The following NCAPD2 variants were observed in gnomAD, a reference collection of about 807,000 sequenced individuals.
The protein encoded by NCAPD2 is non-SMC condensin I complex subunit D2.
A neutral mutation model predicts 164.5 loss-of-function variants in NCAPD2; 100 were observed. The ratio of observed to expected loss-of-function variants is 0.61; its 90% CI spans 0.52 to 0.72. NCAPD2 has a LOEUF of 0.72. Among genes scored for constraint, NCAPD2 ranks in the 30% least tolerant of loss-of-function variants. The pLI, the probability that NCAPD2 is intolerant of heterozygous loss-of-function variation, is 0.00. For missense variants in NCAPD2, 1,560 were observed against 1,749.2 expected, an observed-to-expected ratio of 0.89 and a Z score of 1.93; for synonymous variants, 585 against 642.6, an observed-to-expected ratio of 0.91 and a Z score of 1.36.
At position 6,526,484 on chromosome 12, in the gene NCAPD2, A is replaced by G. The variant is rs772449545; in HGVS notation, c.2603A>G (p.Lys868Arg). Residue 868 changes from lysine (K) to arginine (R), a missense_variant, in exon 21 of 32, where the codon AAA becomes AGA. By Grantham distance (26) the Lys-to-Arg change is conservative. Transcript: ENST00000315579. The part of the protein sequence containing the change: ...VHPDPLWIPF[K>R]EVAVTLIYQL... Reference sequence around the variant, plus strand: ...CCAGACCCACTCTGGATCCCATTCAAAGAGGTGGCAGTGACCCTCATTTAC... The same window carrying G: ...CCAGACCCACTCTGGATCCCATTCAGAGAGGTGGCAGTGACCCTCATTTAC... The G allele has an allele frequency of 1.2e-5, 19 of 1,613,966 alleles. No homozygotes were observed. The highest frequency in any genetic ancestry group is 2.2e-5 in the East Asian group (1 of 44,888).
At chr12:6,512,258 C>A in intron 6 of NCAPD2, among the ~76,000 whole-genome samples, 1 of 113,632 alleles carries the variant, frequency 8.8e-6, no homozygotes, top group African/African-American at 3.6e-5. Flanking sequence ...GGCAACAGAG[C>A]AAGACTCCAT....
At chr12:6,520,188 A>AG (rs1181944100) in intron 13 of NCAPD2, among the ~76,000 whole-genome samples, 1 of 149,460 alleles carries the variant, frequency 6.7e-6, no homozygotes, top group Non-Finnish European at 1.5e-5. Flanking sequence ...CTCTAAAAAA[A>AG]AAAATATATA....
At position 6,517,873 on chromosome 12, in the gene NCAPD2, G is replaced by T. The variant is rs1327335415; in HGVS notation, c.1503G>T (p.Glu501Asp). The T allele has an allele frequency of 2.5e-6, 4 of 1,614,058 alleles. No homozygotes were observed. The highest frequency in any genetic ancestry group is 3.4e-6 in the Non-Finnish European group (4 of 1,180,042). The change falls in exon 13 of 32, where the codon GAG becomes GAT. Residue 501 changes from glutamate to aspartate, a missense_variant. Physicochemically the swap from Glu to Asp is conservative, Grantham distance 45 (BLOSUM62 2). Transcript: ENST00000315579. ...QQLLQLPQGE[E>D]EIPEQIANTE... is the part of the protein sequence containing the mutation. Reference sequence around the variant, plus strand: ...TTCTACAGCTTCCCCAGGGAGAGGAGGAGATTCCTGAGCAAATTGCCAATA... The same window carrying T: ...TTCTACAGCTTCCCCAGGGAGAGGATGAGATTCCTGAGCAAATTGCCAATA...
chr12:6,500,782 G>A (rs1592164601), intron 2 of NCAPD2, among the ~76,000 whole-genome samples: 1 of 152,274 alleles, frequency 6.6e-6, no homozygotes, highest in South Asian at 2.1e-4. Flanking sequence ...AAGCCATTGG[G>A]TTTTGAGCAT....
chr12:6,510,452 C>T (rs1946136032), intron 4 of NCAPD2, 177 bp from the exon 5 acceptor site: 1 of 813,216 alleles, frequency 1.2e-6, no homozygotes. Flanking sequence ...AGAGTAGGAA[C>T]AGGGCATGTT....
At position 6,520,351 on chromosome 12, in the gene NCAPD2, C is replaced by A. The variant is rs1221627648; in HGVS notation, c.1590-635C>A. Reference sequence around the variant, plus strand: ...TGATCTCCCAGGCTCAAGTGATCCTCCCACCTCAGCTCCCTCGAGTAGCTG... The same window carrying A: ...TGATCTCCCAGGCTCAAGTGATCCTACCACCTCAGCTCCCTCGAGTAGCTG... On this transcript the variant is annotated intron_variant, in intron 13 of 31. Coordinates refer to ENST00000315579, the MANE Select transcript of NCAPD2 (RefSeq NM_014865.4). Among the ~76,000 whole-genome samples the A allele has an allele frequency of 4.0e-5, 6 of 151,854 alleles. No individual in the cohort carries two copies. In the East Asian group the frequency reaches 1.2e-3, roughly 29 times the overall value.
At position 6,522,046 on chromosome 12, in the gene NCAPD2, G is replaced by C; in HGVS notation, c.1954+9G>C. ...TGAAAACACAACTACAGGTATGCCAGAGTCCCTTTCTATAAGGACAGCCTT... is the reference window on the plus strand; with the variant it reads ...TGAAAACACAACTACAGGTATGCCACAGTCCCTTTCTATAAGGACAGCCTT... On this transcript the variant is annotated intron_variant, in intron 15 of 31. Coordinates refer to ENST00000315579, the MANE Select transcript of NCAPD2 (RefSeq NM_014865.4). The C allele has an allele frequency of 6.2e-7, 1 of 1,612,572 alleles. No homozygotes were observed. The highest frequency in any genetic ancestry group is 8.5e-7 in the Non-Finnish European group (1 of 1,178,772).
At chr12:6,520,888 C>A in intron 13 of NCAPD2, 98 bp from the exon 14 acceptor site, 1 of 1,519,176 alleles carries the variant, frequency 6.6e-7, no homozygotes, top group Admixed American at 1.9e-5. Flanking sequence ...TTTCTCTGGG[C>A]AGTAGGTCCA....
Position 6,510,397 on chromosome 12 carries a change from T to C in NCAPD2, c.263-232T>C, listed in dbSNP as rs567821516. The C allele has an allele frequency of 1.0e-4, 81 of 781,536 alleles. No homozygotes were observed. In the East Asian group the frequency reaches 1.2e-3, roughly 11 times the overall value. 48.4% of individuals were successfully genotyped at this position (781,536 alleles called of 1,614,324 possible). A position where few individuals can be genotyped will look rare whatever the true frequency, so the allele number is the denominator to read the frequency against. On this transcript the variant is annotated intron_variant, in intron 4 of 31. Coordinates refer to ENST00000315579, the MANE Select transcript of NCAPD2 (RefSeq NM_014865.4). ...TTGAGCTACCTCTTTTTAATAGGGG[T>C]GATTCTTCCAGTTGCTGGAGAGAAA...
chr12:6,527,008 G>A lies in NCAPD2; in HGVS notation c.2852G>A (p.Arg951Gln), dbSNP rs759714048. ...LEQAVSGELC[R>Q]RRVLREEQEH... ...CAGGCAGTGAGTGGAGAGCTCTGCC[G>A]GCGCCGAGTTCTCCGGGAAGAACAG... The change falls in exon 22 of 32, where the codon CGG (arginine) becomes CAG (glutamine). Residue 951 changes from arginine to glutamine, a missense_variant. Arg to Gln is a conservative substitution (Grantham distance 43, BLOSUM62 1). Coordinates refer to ENST00000315579, the MANE Select transcript of NCAPD2 (RefSeq NM_014865.4). The A allele has an allele frequency of 1.3e-5, 21 of 1,613,868 alleles. No individual in the cohort carries two copies. Among genetic ancestry groups the A allele is most frequent in the East Asian group, 2.2e-5 (1 of 44,892 alleles).
intron 17 of NCAPD2, 114 bp from the exon 18 acceptor site, chr12:6,525,466 CTCT>C (rs2137058876): frequency 8.1e-7 from 1 of 1,236,660 alleles, no homozygotes; most frequent in East Asian, 2.4e-5. Context: ...TTTTCTTTTT[CTCT>C]TCCTAAGTAT....
chr12:6,511,371 C>T (rs1236754452), intron 6 of NCAPD2, 119 bp downstream of exon 6: 8 of 1,245,622 alleles, frequency 6.4e-6, no homozygotes, highest in South Asian at 6.1e-5. Context: ...TCACTCTTGT[C>T]GCCCAGGCTG....
rs1264359465 is a variant in NCAPD2, at chr12:6,511,113, A to G, written c.448A>G (p.Lys150Glu). The G allele has an allele frequency of 6.2e-7, 1 of 1,613,576 alleles. No individual in the cohort carries two copies. The highest frequency in any genetic ancestry group is 1.1e-5 in the South Asian group (1 of 91,026). The change falls in exon 6 of 32, where the codon AAG (lysine) becomes GAG (glutamate). Residue 150 changes from lysine (K) to glutamate (E), a missense_variant. Lys to Glu is a moderately conservative substitution (Grantham distance 56). Transcript: ENST00000315579. ...ATGTATACATGATCCTTTTTAGGGTAAGAAAGCTCGGACCAAGGCAGCCCA... is the reference window on the plus strand; with the variant it reads ...ATGTATACATGATCCTTTTTAGGGTGAGAAAGCTCGGACCAAGGCAGCCCA... ...LVDLDLGGKG[K>E]KARTKAAHGF...
intron 2 of NCAPD2, among the ~76,000 whole-genome samples, chr12:6,504,216 T>TACACATATATATACACATATACAC (rs1406807438): frequency 3.4e-4 from 8 of 23,244 alleles, no homozygotes; most frequent in Non-Finnish European, 6.3e-4. Flanking sequence ...TATATATATA[T>TACACATATATATACACATATACAC]AGATATAGAT....
chr12:6,494,920 A>T (rs1453567327), intron 1 of NCAPD2, among the ~76,000 whole-genome samples, 156 bp from the exon 2 acceptor site: 2 of 152,176 alleles, frequency 1.3e-5, no homozygotes, highest in Admixed American at 1.3e-4. Context: ...ACCATTATAT[A>T]TGTTGGGGGT....
chr12:6,517,175 C>A, intron 10 of NCAPD2, 150 bp downstream of exon 10: 1 of 1,235,156 alleles, frequency 8.1e-7, no homozygotes, highest in Non-Finnish European at 1.1e-6. Context: ...CTACCAAGGA[C>A]GAGGATATCT....
Position 6,528,612 on chromosome 12 carries a change from C to A in NCAPD2, c.3300-67C>A. On this transcript the variant is annotated intron_variant, in intron 25 of 31. Transcript: ENST00000315579. The surrounding 1 kb of genome is among the most constrained non-coding windows in gnomAD (Gnocchi z 5.1). Reference sequence around the variant, plus strand: ...GGGATAATTGATTCCTGCTGAGGGCCTTTTCTACCAGTGTTAGGGTGTAGC... The same window carrying A: ...GGGATAATTGATTCCTGCTGAGGGCATTTTCTACCAGTGTTAGGGTGTAGC... 1 of 1,521,398 alleles carries A rather than the reference C, an allele frequency of 6.6e-7. No homozygotes were observed. Among genetic ancestry groups the A allele is most frequent in the Non-Finnish European group, 9.0e-7 (1 of 1,115,134 alleles). The allele number at this position is 1,521,398 out of a possible 1,614,324, so 94.2% of individuals were successfully genotyped here. A position where few individuals can be genotyped will look rare whatever the true frequency, so the allele number is the denominator to read the frequency against.
Position 6,509,698 on chromosome 12 carries a change from G to GT in NCAPD2, c.128-13dup. 1 of 1,612,542 alleles carries GT rather than the reference G, an allele frequency of 6.2e-7. No individual in the cohort carries two copies. The highest frequency in any genetic ancestry group is 1.1e-5 in the South Asian group (1 of 91,030). ...GTTTCTCTTCCCTCCAAATTGATTT[G>GT]TTTTTTCCATCTTCATAGCTTTTCA... is the stretch of plus-strand genomic sequence containing the variant. On this transcript the variant is annotated intron_variant, in intron 2 of 31. Coordinates refer to ENST00000315579, the MANE Select transcript of NCAPD2 (RefSeq NM_014865.4).
chr12:6,523,155 C>A, intron 16 of NCAPD2, 107 bp from the exon 17 acceptor site: 1 of 1,452,174 alleles, frequency 6.9e-7, no homozygotes, highest in South Asian at 1.2e-5. Flanking sequence ...GGCTCGGTTT[C>A]CAGGGAGAGC....
Sources: allele counts gnomAD v4.1 joint callset (sites outside exome capture counted in the v4.1 genomes callset), GRCh38; gene constraint gnomAD v4.1.1; non-coding constraint Gnocchi (gnomAD v3.1); transcripts MANE v1.5; gene names NCBI Gene and HGNC (gene_info 2026-07-23, HGNC 2026-07-21).